The following USP9X variants were observed in gnomAD, a reference collection of about 807,000 sequenced individuals.
USP9X encodes the protein ubiquitin carboxyl-terminal hydrolase 9X.
USP9X carries 7 observed loss-of-function variants against 190.3 expected under a neutral mutation model. The observed-to-expected ratio is 0.04, with a 90% CI of 0.02 to 0.07. USP9X has a LOEUF of 0.07. Ranked by LOEUF, USP9X falls within the 10% of genes least tolerant of loss-of-function variation. The pLI is 1.00. For missense variants in USP9X, 1,010 were observed against 1,916.9 expected, an observed-to-expected ratio of 0.53 and a Z score of 8.83; for synonymous variants, 645 against 659.5, an observed-to-expected ratio of 0.98 and a Z score of 0.34.
chrX:41,168,724 C>T (rs964484118), intron 18 of USP9X, among the ~76,000 whole-genome samples: 1 of 111,711 alleles, frequency 9.0e-6, no homozygotes, highest in Non-Finnish European at 1.9e-5. Flanking sequence ...CAAACTCCTA[C>T]GCTCAAGCAA....
chrX:41,216,699 T>C (rs763401570), intron 35 of USP9X, 47 bp downstream of exon 35: 6 of 1,112,256 alleles, frequency 5.4e-6, no homozygotes, highest in Non-Finnish European at 7.2e-6. Context: ...GAATAATTTA[T>C]AGTAGGCGTC....
chrX:41,121,582 A>G (rs2062190557), intron 1 of USP9X, among the ~76,000 whole-genome samples: 2 of 111,844 alleles, frequency 1.8e-5, no homozygotes, highest in Non-Finnish European at 3.8e-5. Flanking sequence ...AAGCCAGGTC[A>G]TAATTAGAAA....
intron 30 of USP9X, among the ~76,000 whole-genome samples, chrX:41,199,686 C>T (rs1441654099): frequency 8.9e-6 from 1 of 111,840 alleles, no homozygotes; most frequent in Non-Finnish European, 1.9e-5. Flanking sequence ...GCCTCGGCCT[C>T]CCAAAGTGCT....
chrX:41,148,408 C>T lies in USP9X; in HGVS notation c.1459C>T (p.Leu487=). The change falls in exon 12 of 45, where the codon CTA becomes TTA. Residue 487 remains leucine, a synonymous_variant. Transcript: ENST00000378308. ...TNASKKQREK[L]LELIRRLAED... ...TGCGAGTAAAAAGCAACGTGAAAAGCTACTTGAGCTGATACGTCGTCTTGC... is the reference window on the plus strand; with the variant it reads ...TGCGAGTAAAAAGCAACGTGAAAAGTTACTTGAGCTGATACGTCGTCTTGC... 1 of 1,211,582 alleles carries T rather than the reference C, an allele frequency of 8.3e-7. No individual in the cohort carries two copies.
At chrX:41,112,666 T>C (rs2062118664) in intron 1 of USP9X, among the ~76,000 whole-genome samples, 1 of 112,099 alleles carries the variant, frequency 8.9e-6, no homozygotes, top group Non-Finnish European at 1.9e-5. Context: ...AAAAAATCTT[T>C]AGCATAAATA....
At chrX:41,159,078 AT>A (rs746155377) in intron 14 of USP9X, among the ~76,000 whole-genome samples, 33 of 111,624 alleles carry the variant, frequency 3.0e-4, no homozygotes, top group Admixed American at 2.6e-3. Flanking sequence ...TGCTTGAGGC[AT>A]TAGCCAGGAT....
At chrX:41,137,581 T>A (rs1317943367) in intron 6 of USP9X, among the ~76,000 whole-genome samples, 9 of 111,253 alleles carry the variant, frequency 8.1e-5, no homozygotes, top group Non-Finnish European at 1.3e-4. Flanking sequence ...TATATAATTT[T>A]AAAATTTTAG....
intron 1 of USP9X, among the ~76,000 whole-genome samples, chrX:41,090,626 T>C (rs1353927849): frequency 8.9e-6 from 1 of 112,382 alleles, no homozygotes; most frequent in Non-Finnish European, 1.9e-5. Flanking sequence ...TTTCAAAATA[T>C]ATATTTGCTC....
chrX:41,231,414 G>A (rs887867770), intron 44 of USP9X, among the ~76,000 whole-genome samples: 2 of 111,491 alleles, frequency 1.8e-5, no homozygotes, highest in Non-Finnish European at 3.8e-5. Flanking sequence ...CACATTCAGC[G>A]TACTTATTTT....
At chrX:41,178,731 T>G (rs2062801095) in intron 21 of USP9X, among the ~76,000 whole-genome samples, 2 of 111,943 alleles carry the variant, frequency 1.8e-5, no homozygotes, top group South Asian at 7.3e-4. Context: ...TTCGTTTGTC[T>G]GTTTTTGTGT....
At chrX:41,149,725 A>T (rs1271009940) in intron 12 of USP9X, among the ~76,000 whole-genome samples, 2 of 108,203 alleles carry the variant, frequency 1.8e-5, no homozygotes, top group South Asian at 8.0e-4. Context: ...TTTTTTTGAG[A>T]CGGAGTCTTG....
chrX:41,215,340 TGC>T (rs2063202403), intron 34 of USP9X, among the ~76,000 whole-genome samples: 1 of 112,906 alleles, frequency 8.9e-6, no homozygotes, highest in Non-Finnish European at 1.9e-5. Flanking sequence ...TTTGGCCTTA[TGC>T]ACCACTTAGA....
chrX:41,227,049 A>G (rs750067704), intron 41 of USP9X, among the ~76,000 whole-genome samples: 2 of 112,399 alleles, frequency 1.8e-5, no homozygotes, highest in Admixed American at 9.4e-5. Context: ...TGGCAAAGAC[A>G]TACGTGCTAG....
intron 20 of USP9X, among the ~76,000 whole-genome samples, chrX:41,171,231 G>C (rs1181698063): frequency 9.0e-6 from 1 of 111,639 alleles, no homozygotes; most frequent in African/African-American, 3.3e-5. Flanking sequence ...CTACTGGGGA[G>C]GCTGTGAGGC....
Position 41,230,512 on chromosome X carries a change from C to G in USP9X, c.7443C>G (p.Asp2481Glu). 8.3e-7 allele frequency: 1 copy of G among 1,209,458 alleles called. No homozygotes were observed. Among genetic ancestry groups the G allele is most frequent in the Non-Finnish European group, 1.1e-6 (1 of 894,387 alleles). The change falls in exon 44 of 45, where the codon GAC (aspartate) becomes GAG (glutamate). Residue 2481 changes from aspartate to glutamate, a missense_variant. By Grantham distance (45) the Asp-to-Glu change is conservative. Around this residue, in one of 11 missense-constraint regions of USP9X, gnomAD observed 48 missense variants for 60.4 expected, o/e 0.79. Coordinates refer to ENST00000378308, the MANE Select transcript of USP9X (RefSeq NM_001039591.3). ...ATATTCAAAATTAGGAGCCAGATGA[C>G]CAAGATGCTCCAGATGAACATGAGT... ...CELCPEEEPDDQDAPDEHESP... is the reference protein window; with the variant it reads ...CELCPEEEPDEQDAPDEHESP...
chrX:41,090,257 A>C (rs773071520), intron 1 of USP9X, among the ~76,000 whole-genome samples: 2 of 110,468 alleles, frequency 1.8e-5, no homozygotes, highest in African/African-American at 6.6e-5. Context: ...CTTTTTGTTA[A>C]ATTATAGAAA....
rs767969905 is a variant in USP9X, at chrX:41,167,442, A to G, written c.2329-40A>G. 2.2e-5 allele frequency: 24 copies of G among 1,084,523 alleles called. No homozygotes were observed. The South Asian group carries it at 3.5e-4, about 16-fold the overall frequency. 89.4% of individuals were successfully genotyped at this position (1,084,523 alleles called of 1,213,427 possible). ...GAATTTAAATGCCCAACAAAAATAT[A>G]TGTTGAAAGGGATGAATACTTTTAT... On this transcript the variant is annotated intron_variant, in intron 16 of 44. Coordinates refer to ENST00000378308, the MANE Select transcript of USP9X (RefSeq NM_001039591.3).
intron 1 of USP9X, among the ~76,000 whole-genome samples, 189 bp downstream of exon 1, chrX:41,086,298 G>A (rs1457135039): frequency 1.8e-5 from 2 of 112,531 alleles, no homozygotes; most frequent in South Asian, 3.6e-4. Context: ...CCCGTGTTGT[G>A]TGTGGAGCCG....
chrX:41,212,844 C>G (rs1324061350), intron 33 of USP9X, among the ~76,000 whole-genome samples: 1 of 111,773 alleles, frequency 8.9e-6, no homozygotes, highest in Non-Finnish European at 1.9e-5. Context: ...AAGTTATAGT[C>G]TTACCACTCA....
Sources: gnomAD v4.1 joint callset for allele counts (sites outside exome capture counted in the v4.1 genomes callset) on GRCh38, gnomAD v4.1.1 for gene constraint, gnomAD v4.1.1 regional missense constraint, MANE v1.5 for transcripts, NCBI Gene and HGNC (gene_info 2026-07-23, HGNC 2026-07-21) for gene names.